Variants in ROBO1 observed in about 807,000 individuals in gnomAD.
The protein encoded by ROBO1 is roundabout guidance receptor 1, also known as roundabout homolog 1.
Under a neutral mutation model 195.9 loss-of-function variants are expected in ROBO1, and 149 were observed. The observed-to-expected ratio is 0.76, with a 90% CI of 0.67 to 0.87. The LOEUF (loss-of-function observed/expected upper bound fraction) is 0.87, where lower values mean the gene tolerates loss of function less well. Ranked by LOEUF, ROBO1 falls within the 40% of genes least tolerant of loss-of-function variation. The probability of loss-of-function intolerance (pLI) is 0.00; values close to 1 mark genes in which losing one functional copy is unlikely to be tolerated. For missense variants in ROBO1, 1,933 were observed against 2,068.3 expected (o/e 0.93, Z 1.27); for synonymous variants, 816 against 733.2 (o/e 1.11, Z -1.82).
intron 1 of ROBO1, among the ~76,000 whole-genome samples, chr3:79,690,030 C>T (rs1194879993): frequency 1.3e-5 from 2 of 151,916 alleles, no homozygotes; most frequent in Non-Finnish European, 2.9e-5. Flanking sequence ...ATTTCACCTG[C>T]AGTTAATCAA....
chr3:79,382,999 G>A (rs1575753477), intron 2 of ROBO1, among the ~76,000 whole-genome samples: 1 of 152,104 alleles, frequency 6.6e-6, no homozygotes, highest in Non-Finnish European at 1.5e-5. Context: ...ACAGTTGAAA[G>A]AGTTGATGCT....
chr3:78,643,131 C>T (rs886151238), intron 21 of ROBO1, among the ~76,000 whole-genome samples: 1 of 152,106 alleles, frequency 6.6e-6, no homozygotes, highest in Non-Finnish European at 1.5e-5. Flanking sequence ...CAATCATATC[C>T]ACCAGGAGTT....
At chr3:78,996,104 T>C (rs1177246942) in intron 3 of ROBO1, among the ~76,000 whole-genome samples, 2 of 152,122 alleles carry the variant, frequency 1.3e-5, no homozygotes, top group Non-Finnish European at 2.9e-5. Flanking sequence ...AATTTTTATA[T>C]GTTACCCCAA....
At chr3:79,475,986 A>G (rs1938528274) in intron 2 of ROBO1, among the ~76,000 whole-genome samples, 1 of 152,106 alleles carries the variant, frequency 6.6e-6, no homozygotes, top group Non-Finnish European at 1.5e-5. Context: ...AAATAAATGG[A>G]GTTAAAATGA....
intron 4 of ROBO1, among the ~76,000 whole-genome samples, chr3:78,859,923 C>CA (rs1466261795): frequency 3.3e-5 from 5 of 151,998 alleles, no homozygotes; most frequent in Middle Eastern, 3.4e-3. Flanking sequence ...ACTAAAAATA[C>CA]AAAAAATTAG....
At chr3:79,468,186 A>G (rs1043190386) in intron 2 of ROBO1, among the ~76,000 whole-genome samples, 4 of 152,230 alleles carry the variant, frequency 2.6e-5, no homozygotes, top group African/African-American at 9.6e-5. Context: ...GAAAATAAGT[A>G]CACTACTGAT....
intron 2 of ROBO1, among the ~76,000 whole-genome samples, chr3:79,397,324 T>C (rs1245514136): frequency 6.6e-6 from 1 of 151,932 alleles, no homozygotes; most frequent in Non-Finnish European, 1.5e-5. Flanking sequence ...AATTTGCTCT[T>C]CAGAAGCCAG....
intron 2 of ROBO1, among the ~76,000 whole-genome samples, chr3:79,301,171 C>G (rs2032931707): frequency 6.6e-6 from 1 of 152,168 alleles, no homozygotes; most frequent in Non-Finnish European, 1.5e-5. Context: ...TCGCAAAGGT[C>G]TGCAGCTTCA....
chr3:78,717,730 T>C (rs1342662638), intron 6 of ROBO1, 33 bp downstream of exon 6: 1 of 1,604,254 alleles, frequency 6.2e-7, no homozygotes, highest in Admixed American at 1.7e-5. Context: ...AGATCTATTT[T>C]TCAATGAGAA....
At chr3:78,988,279 A>T (rs1307233099) in intron 3 of ROBO1, among the ~76,000 whole-genome samples, 1 of 152,108 alleles carries the variant, frequency 6.6e-6, no homozygotes, top group Non-Finnish European at 1.5e-5. Flanking sequence ...ACTAAAAGGC[A>T]ATTTTTTACT....
chr3:79,692,582 T>C (rs1947327676), intron 1 of ROBO1, among the ~76,000 whole-genome samples: 1 of 151,824 alleles, frequency 6.6e-6, no homozygotes, highest in Non-Finnish European at 1.5e-5. Flanking sequence ...AGACAAGTCC[T>C]GCAGGATCTC....
At position 79,059,562 on chromosome 3, in the gene ROBO1, T is replaced by C. The variant is rs188554909; in HGVS notation, c.172+65894A>G. On this transcript the variant is annotated intron_variant, in intron 3 of 30. Coordinates refer to ENST00000464233, the MANE Select transcript of ROBO1 (RefSeq NM_002941.4). Reference sequence around the variant, plus strand: ...TCAACAGAGGGACCGGCTGAAGCCATGGCAGAAGAACATAAATTGTGAAGA... The same window carrying C: ...TCAACAGAGGGACCGGCTGAAGCCACGGCAGAAGAACATAAATTGTGAAGA... Among the ~76,000 whole-genome samples, 1,120 of 152,160 alleles carry C rather than the reference T, an allele frequency of 7.4e-3. 19 individuals are homozygous for C. Among genetic ancestry groups the C allele is most frequent in the Admixed American group, 0.035 (533 of 15,262 alleles).
At chr3:78,687,878 G>A (rs1167052787) in intron 9 of ROBO1, among the ~76,000 whole-genome samples, 3 of 152,162 alleles carry the variant, frequency 2.0e-5, no homozygotes, top group Non-Finnish European at 2.9e-5. Context: ...TGATCCTCCT[G>A]CCTGAGCCTC....
intron 1 of ROBO1, among the ~76,000 whole-genome samples, chr3:79,696,825 A>C (rs1313756362): frequency 6.6e-6 from 1 of 151,552 alleles, no homozygotes; most frequent in Non-Finnish European, 1.5e-5. Context: ...TGTTCAGACC[A>C]AGATTATATA....
chr3:79,569,894 T>C (rs902446991), intron 2 of ROBO1, among the ~76,000 whole-genome samples: 8 of 151,662 alleles, frequency 5.3e-5, no homozygotes, highest in South Asian at 4.2e-4. Context: ...AATCCAGAGG[T>C]TGGAGGCGAG....
chr3:79,087,092 A>G (rs927091888), intron 3 of ROBO1, among the ~76,000 whole-genome samples: 5 of 152,106 alleles, frequency 3.3e-5, no homozygotes, highest in African/African-American at 1.2e-4. Context: ...ATTTTTATTG[A>G]AAAGTGTAGT....
At chr3:79,445,478 ATTGTT>A (rs1296410248) in intron 2 of ROBO1, among the ~76,000 whole-genome samples, 3 of 128,716 alleles carry the variant, frequency 2.3e-5, no homozygotes, top group Non-Finnish European at 4.9e-5. Context: ...CAATACAGAA[ATTGTT>A]TTTTTTTTTT....
chr3:79,070,212 T>C (rs2079064523), intron 3 of ROBO1, among the ~76,000 whole-genome samples: 1 of 151,904 alleles, frequency 6.6e-6, no homozygotes, highest in African/African-American at 2.4e-5. Flanking sequence ...AGTGTGGTAG[T>C]CCCACTCTGA....
intron 2 of ROBO1, among the ~76,000 whole-genome samples, chr3:79,269,378 C>A (rs1255420880): frequency 6.6e-6 from 1 of 151,702 alleles, no homozygotes; most frequent in African/African-American, 2.4e-5. Flanking sequence ...TTTCCTTACG[C>A]CATATAACTA....
Sources: allele counts gnomAD v4.1 joint callset (sites outside exome capture counted in the v4.1 genomes callset), GRCh38; gene constraint gnomAD v4.1.1; transcripts MANE v1.5; gene names NCBI Gene and HGNC (gene_info 2026-07-23, HGNC 2026-07-21).